Variants in DDR1 observed in about 807,000 individuals in gnomAD.
The protein encoded by DDR1 is epithelial discoidin domain-containing receptor 1.
In DDR1, 64 loss-of-function variants were observed where a neutral mutation model predicts 97.4. The observed-to-expected ratio is 0.66, with a 90% CI of 0.54 to 0.81. DDR1 has a LOEUF of 0.81. DDR1 is among the 30% of genes least tolerant of loss of function. The pLI is 0.00. For missense variants in DDR1, 990 were observed against 1,259.6 expected (o/e 0.79, Z 3.24); for synonymous variants, 458 against 503.7 (o/e 0.91, Z 1.21).
chr6:30,892,476 T>C lies in DDR1; in HGVS notation c.1033T>C (p.Phe345Leu), dbSNP rs751001498. ...GCCCCTTGGCGGCCGTGTGGCTCGC[T>C]TTCTGCAGTGCCGCTTCCTCTTTGC... ...SVPLGGRVAR[F>L]LQCRFLFAGP... The change falls in exon 8 of 18, where the codon TTT (phenylalanine) becomes CTT (leucine). Residue 345 changes from phenylalanine to leucine, a missense_variant. Phe to Leu is a conservative substitution (Grantham distance 22). Coordinates refer to ENST00000376568, the MANE Select transcript of DDR1 (RefSeq NM_001297654.2). 1.9e-6 allele frequency: 3 copies of C among 1,610,886 alleles called. No individual in the cohort carries two copies. Among genetic ancestry groups the C allele is most frequent in the Non-Finnish European group, 2.5e-6 (3 of 1,179,610 alleles).
At position 30,894,402 on chromosome 6, in the gene DDR1, G is replaced by C; in HGVS notation, c.1348-104G>C. On this transcript the variant is annotated intron_variant, in intron 10 of 17. Transcript: ENST00000376568. The surrounding 1 kb of genome is among the most constrained non-coding windows in gnomAD (Gnocchi z 5.7). Reference sequence around the variant, plus strand: ...GTGCTGATAGTATCCACAGCTGTAGGGCTCTTGTGAGGGCTGAGGGAGGGA... The same window carrying C: ...GTGCTGATAGTATCCACAGCTGTAGCGCTCTTGTGAGGGCTGAGGGAGGGA... 8.7e-7 allele frequency: 1 copy of C among 1,143,958 alleles called. No individual in the cohort carries two copies. 70.9% of individuals were successfully genotyped at this position (1,143,958 alleles called of 1,614,324 possible). A position where few individuals can be genotyped will look rare whatever the true frequency, so the allele number is the denominator to read the frequency against.
At chr6:30,898,801 G>A in intron 16 of DDR1, 87 bp from the exon 17 acceptor site, 2 of 1,433,156 alleles carry the variant, frequency 1.4e-6, no homozygotes, top group Non-Finnish European at 1.9e-6. Context: ...GGAGCCCAGA[G>A]TGGATCTGGG....
chr6:30,888,649 CCT>C lies in DDR1; in HGVS notation c.-42-38_-42-37del, dbSNP rs771408864. 6.3e-7 allele frequency: 1 copy of C among 1,576,386 alleles called. No individual in the cohort carries two copies. The highest frequency in any genetic ancestry group is 8.6e-7 in the Non-Finnish European group (1 of 1,160,726). ...GTTGCTGTCAGCTATGACTCAGTCC[CCT>C]GATTAACTTACGCACCACCCATTTT... On this transcript the variant is annotated intron_variant, in intron 1 of 17. Transcript: ENST00000376568. This position sits in a 1 kb window ranked among gnomAD's most constrained non-coding sequence, Gnocchi z 4.2.
In DDR1 at chr6:30,893,309, C is replaced by T. The variant is rs777380145; in HGVS notation, c.1233C>T (p.Ala411=). The change falls in exon 10 of 18, where the codon GCC becomes GCT. Residue 411 remains alanine (A), a synonymous_variant. Transcript: ENST00000376568. ...GAGGCCAGCAGCCCGTGGCCAAGGC[C>T]GAGGGGAGCCCGACCGCCATCCTCA... The part of the protein sequence containing the change: ...EPRGQQPVAK[A]EGSPTAILIG... The T allele has an allele frequency of 2.2e-5, 35 of 1,606,070 alleles. No individual in the cohort carries two copies. Among genetic ancestry groups the T allele is most frequent in the South Asian group, 4.4e-5 (4 of 91,002 alleles).
chr6:30,885,243 C>T (rs1156951172), intron 1 of DDR1: 1 of 1,533,000 alleles, frequency 6.5e-7, no homozygotes, highest in South Asian at 1.2e-5. Context: ...TGAGCGCCAG[C>T]TTCAGGGTCC....
rs931361916 is a variant in DDR1, at chr6:30,888,864, A to G, written c.86-44A>G. On this transcript the variant is annotated intron_variant, in intron 2 of 17. Coordinates refer to ENST00000376568, the MANE Select transcript of DDR1 (RefSeq NM_001297654.2). The surrounding 1 kb of genome is among the most constrained non-coding windows in gnomAD (Gnocchi z 4.2). Reference sequence around the variant, plus strand: ...CTGAGGGCCAGGGCTTGGGAGGTAGAGAGTTGGGGGCCTTGACCTGTTACA... The same window carrying G: ...CTGAGGGCCAGGGCTTGGGAGGTAGGGAGTTGGGGGCCTTGACCTGTTACA... 18 of 1,612,700 alleles carry G rather than the reference A, an allele frequency of 1.1e-5. No individual in the cohort carries two copies. In the Admixed American group the frequency reaches 1.7e-4, roughly 15 times the overall value.
At chr6:30,885,120 C>A in intron 1 of DDR1, 1 of 1,377,860 alleles carries the variant, frequency 7.3e-7, no homozygotes, top group Non-Finnish European at 9.9e-7. Context: ...CCCAGTTGGT[C>A]AGTCTGGTCA....
At chr6:30,892,742 G>C (rs1789002176) in intron 8 of DDR1, 200 bp downstream of exon 8, 1 of 665,992 alleles carries the variant, frequency 1.5e-6, no homozygotes, top group South Asian at 2.3e-5. Context: ...TCCTTTGTAA[G>C]CCCCTTGCCC....
intron 16 of DDR1, 78 bp downstream of exon 16, chr6:30,898,385 A>T (rs1237885516): frequency 9.6e-7 from 1 of 1,045,110 alleles, no homozygotes; most frequent in African/African-American, 1.6e-5. Flanking sequence ...CCTGGTCTCC[A>T]TCAGTCACAC....
chr6:30,887,553 G>T (rs143433435), intron 1 of DDR1, among the ~76,000 whole-genome samples: 5 of 151,982 alleles, frequency 3.3e-5, no homozygotes, highest in African/African-American at 1.2e-4. Flanking sequence ...TACTTCTGTT[G>T]CTTGCTTTTC....
intron 11 of DDR1, 119 bp from the exon 12 acceptor site, chr6:30,895,281 CCTGT>C: frequency 1.5e-6 from 1 of 689,324 alleles, no homozygotes; most frequent in East Asian, 2.8e-5. Flanking sequence ...CTTGTTTTAT[CCTGT>C]CTGTCTCTTA....
intron 8 of DDR1, 30 bp downstream of exon 8, chr6:30,892,572 C>G (rs1205506513): frequency 1.3e-6 from 2 of 1,530,990 alleles, no homozygotes; most frequent in African/African-American, 2.8e-5. Flanking sequence ...AGTCTCCAGT[C>G]CCTGAAATTG....
In DDR1 at chr6:30,894,558, G is replaced by C; in HGVS notation, c.1400G>C (p.Gly467Ala). The change falls in exon 11 of 18, where the codon GGG becomes GCG. Residue 467 changes from glycine (G) to alanine (A), a missense_variant. By Grantham distance (60) the Gly-to-Ala change is moderately conservative. Coordinates refer to ENST00000376568, the MANE Select transcript of DDR1 (RefSeq NM_001297654.2). The surrounding 1 kb of genome is among the most constrained non-coding windows in gnomAD (Gnocchi z 5.7). ...EELTVHLSVP[G>A]DTILINNRPG... ...CTGACGGTTCACCTCTCTGTCCCTG[G>C]GGACACTATCCTCATCAACAACCGC... 1 of 1,613,394 alleles carries C rather than the reference G, an allele frequency of 6.2e-7. No individual in the cohort carries two copies. Among genetic ancestry groups the C allele is most frequent in the Non-Finnish European group, 8.5e-7 (1 of 1,179,696 alleles).
Position 30,893,288 on chromosome 6 carries a change from CCAG to C in DDR1, c.1217_1219del (p.Gln406del). Reference sequence around the variant, plus strand: ...CTCCACCAGAGCTGGAGCCCAGAGGCCAGCAGCCCGTGGCCAAGGCCGAGGGGA... The same window carrying C: ...CTCCACCAGAGCTGGAGCCCAGAGGCCAGCCCGTGGCCAAGGCCGAGGGGA... On this transcript the variant is annotated inframe_deletion, in exon 10 of 18. Transcript: ENST00000376568. The C allele has an allele frequency of 6.2e-7, 1 of 1,605,254 alleles. No homozygotes were observed. The highest frequency in any genetic ancestry group is 8.5e-7 in the Non-Finnish European group (1 of 1,179,604).
At position 30,896,828 on chromosome 6, in the gene DDR1, G is replaced by A. The variant is rs775530906; in HGVS notation, c.1832G>A (p.Arg611His). The A allele has an allele frequency of 8.2e-6, 13 of 1,589,660 alleles. No homozygotes were observed. The highest frequency in any genetic ancestry group is 2.2e-5 in the East Asian group (1 of 44,568). The change falls in exon 13 of 18, where the codon CGC (arginine) becomes CAC (histidine). Residue 611 changes from arginine to histidine, a missense_variant. Transcript: ENST00000376568. ...GTGGATTTCCCTCGATCTCGACTCCGCTTCAAGGAGAAGCTTGGCGAGGGC... is the reference window on the plus strand; with the variant it reads ...GTGGATTTCCCTCGATCTCGACTCCACTTCAAGGAGAAGCTTGGCGAGGGC... ...PRVDFPRSRL[R>H]FKEKLGEGQF...
In DDR1 at chr6:30,893,089, C is replaced by T. The variant is rs200571528; in HGVS notation, c.1121C>T (p.Pro374Leu). The T allele has an allele frequency of 2.1e-5, 34 of 1,612,362 alleles. No homozygotes were observed. Among genetic ancestry groups the T allele is most frequent in the Admixed American group, 1.2e-4 (7 of 59,934 alleles). The stretch of plus-strand genomic sequence containing the variant: ...CCAGATGTGGTGAACAATTCCTCTC[C>T]GGCACTGGGAGGCACCTTCCCGCCA... ...FISDVVNNSS[P>L]ALGGTFPPAP... Residue 374 changes from proline (P) to leucine (L), a missense_variant, in exon 9 of 18, where the codon CCG becomes CTG. Transcript: ENST00000376568.
chr6:30,892,934 C>A, intron 8 of DDR1, 134 bp from the exon 9 acceptor site: 1 of 774,568 alleles, frequency 1.3e-6, no homozygotes, highest in Non-Finnish European at 2.1e-6. Context: ...GCTCCCCCAG[C>A]CCCCACTGGT....
In DDR1 at chr6:30,891,568, T is replaced by G; in HGVS notation, c.665+89T>G. 2 of 913,750 alleles carry G rather than the reference T, an allele frequency of 2.2e-6. No homozygotes were observed. The highest frequency in any genetic ancestry group is 3.4e-6 in the Non-Finnish European group (2 of 594,564). 56.6% of individuals were successfully genotyped at this position (913,750 alleles called of 1,614,324 possible). ...GTGTGTGTGTGTGTGAGAGTGTGTG[T>G]GTGTAGGGGGGCTGGTAAGTAGGGT... On this transcript the variant is annotated intron_variant, in intron 6 of 17. Transcript: ENST00000376568. This position sits in a 1 kb window ranked among gnomAD's most constrained non-coding sequence, Gnocchi z 5.3.
rs1790914943 is a variant in DDR1, at chr6:30,896,670, GCCC to G, written c.1677_1679del (p.Pro562del). The G allele has an allele frequency of 6.2e-7, 1 of 1,613,144 alleles. No individual in the cohort carries two copies. Among genetic ancestry groups the G allele is most frequent in the South Asian group, 1.1e-5 (1 of 90,968 alleles). On this transcript the variant is annotated inframe_deletion, in exon 13 of 18. Coordinates refer to ENST00000376568, the MANE Select transcript of DDR1 (RefSeq NM_001297654.2). ...CTGAGAAGCCAGGCGCCCCGCTTCT[GCCC>G]CCACCTCCCCAGAACAGCGTCCCCC...
Sources: allele counts gnomAD v4.1 joint callset (sites outside exome capture counted in the v4.1 genomes callset), GRCh38; gene constraint gnomAD v4.1.1; non-coding constraint Gnocchi (gnomAD v3.1); transcripts MANE v1.5; gene names NCBI Gene and HGNC (gene_info 2026-07-23, HGNC 2026-07-21).